Variants in TSEN2 observed in about 807,000 individuals in gnomAD.
TSEN2 encodes tRNA splicing endonuclease subunit 2.
In TSEN2, 54 loss-of-function variants were observed where a neutral mutation model predicts 59.2. The observed-to-expected ratio is 0.91, with a 90% CI of 0.73 to 1.14. The LOEUF is 1.14. Among genes scored for constraint, TSEN2 ranks in the 50% most tolerant of loss-of-function variants. TSEN2 has a pLI of 0.00. For synonymous variants in TSEN2, 195 were observed against 198.2 expected (o/e 0.98, Z 0.14); for missense variants, 636 against 576.2 (o/e 1.10, Z -1.06).
intron 2 of TSEN2, among the ~76,000 whole-genome samples, chr3:12,490,350 C>G (rs2053090197): frequency 6.6e-6 from 1 of 152,178 alleles, no homozygotes; most frequent in Non-Finnish European, 1.5e-5. Flanking sequence ...ATTCCCCACT[C>G]ACTCCCATCC....
At chr3:12,494,037 G>C (rs2053496451) in intron 3 of TSEN2, among the ~76,000 whole-genome samples, 1 of 152,156 alleles carries the variant, frequency 6.6e-6, no homozygotes, top group Admixed American at 6.5e-5. Flanking sequence ...TCATTGTTTT[G>C]CCTGTGGATA....
chr3:12,534,115 TTGG>T (rs1245243821), downstream of TSEN2, among the ~76,000 whole-genome samples: 7 of 152,210 alleles, frequency 4.6e-5, no homozygotes, highest in Admixed American at 3.9e-4. Context: ...AGAGCCCTGT[TTGG>T]TGGTGGTGGT....
rs180803822 is a variant in TSEN2, at chr3:12,539,190, A to T, written c.1290A>T (p.Gln430His). The T allele has an allele frequency of 1.2e-3, 513 of 423,120 alleles. 3 individuals carry two copies. Among genetic ancestry groups the T allele is most frequent in the African/African-American group, 9.9e-3 (466 of 47,260 alleles). 26.2% of individuals were successfully genotyped at this position (423,120 alleles called of 1,614,324 possible). A position where few individuals can be genotyped will look rare whatever the true frequency, so the allele number is the denominator to read the frequency against. Reference sequence around the variant, plus strand: ...GCTCTGTCGTCCAGGCTGGAGTCCAATGCTGCGATCTTGGATCACTGCAAC... The same window carrying T: ...GCTCTGTCGTCCAGGCTGGAGTCCATTGCTGCGATCTTGGATCACTGCAAC... The change falls in exon 11 of 11, where the codon CAA becomes CAT. Residue 430 changes from glutamine (Q) to histidine (H), a missense_variant. Gln to His is a conservative substitution (Grantham distance 24). Transcript: ENST00000412698.
chr3:12,488,384 TG>T (rs1211715630), intron 1 of TSEN2, among the ~76,000 whole-genome samples: 1 of 152,254 alleles, frequency 6.6e-6, no homozygotes, highest in Non-Finnish European at 1.5e-5. Flanking sequence ...GACCTAGTAC[TG>T]GGGGAGCAGC....
In TSEN2 at chr3:12,531,565, A is replaced by T. The variant is rs764954595; in HGVS notation, c.1249-5A>T. 1 of 1,599,854 alleles carries T rather than the reference A, an allele frequency of 6.3e-7. No homozygotes were observed. Among genetic ancestry groups the T allele is most frequent in the African/African-American group, 1.3e-5 (1 of 74,774 alleles). ...ATACAGAAGTGGTTTTTCATTTCTC[A>T]ATAGGAACTTATGCTGTGCTATTTG... On this transcript the variant is annotated splice_region_variant and splice_polypyrimidine_tract_variant and intron_variant, in intron 10 of 11. Transcript: ENST00000284995.
intron 6 of TSEN2, among the ~76,000 whole-genome samples, chr3:12,514,500 A>G (rs1173719821): frequency 1.3e-5 from 2 of 152,184 alleles, no homozygotes; most frequent in African/African-American, 4.8e-5. Context: ...CACAGAAGGC[A>G]GGAAGGAGCC....
chr3:12,492,356 A>C (rs1270730867), intron 3 of TSEN2, 139 bp downstream of exon 3: 1 of 701,356 alleles, frequency 1.4e-6, no homozygotes, highest in Non-Finnish European at 2.5e-6. Flanking sequence ...GTTAGCTAGA[A>C]TAATTCTAAT....
chr3:12,490,118 T>A, intron 2 of TSEN2, 129 bp downstream of exon 2: 2 of 962,982 alleles, frequency 2.1e-6, no homozygotes, highest in Non-Finnish European at 3.3e-6. Context: ...TGCGGTTTGG[T>A]CCAGTTGTAG....
chr3:12,505,855 C>T (rs1439607460), intron 6 of TSEN2, among the ~76,000 whole-genome samples: 1 of 150,886 alleles, frequency 6.6e-6, no homozygotes, highest in Non-Finnish European at 1.5e-5. Context: ...AGTCCAGCCA[C>T]TTGTGTGGCT....
rs2057551475 is a variant in TSEN2 at position 12,532,881 on chromosome 3, G to A, written c.*160G>A. On this transcript the variant is annotated 3_prime_UTR_variant, in exon 12 of 12. Coordinates refer to ENST00000284995, the MANE Select transcript of TSEN2 (RefSeq NM_025265.4). The stretch of plus-strand genomic sequence containing the variant: ...GTGTTTTTAAAGATAAATTACACAA[G>A]GGAGGAGAAAGATCCCTGTGCTAGG... 2 of 730,250 alleles carry A rather than the reference G, an allele frequency of 2.7e-6. No individual in the cohort carries two copies. The highest frequency in any genetic ancestry group is 2.3e-5 in the Admixed American group (1 of 44,046). The allele number at this position is 730,250 out of a possible 1,614,324, so 45.2% of individuals were successfully genotyped here. A position where few individuals can be genotyped will look rare whatever the true frequency, so the allele number is the denominator to read the frequency against.
intron 2 of TSEN2, among the ~76,000 whole-genome samples, chr3:12,491,544 C>T (rs898043309): frequency 2.0e-5 from 3 of 152,128 alleles, no homozygotes; most frequent in African/African-American, 7.2e-5. Context: ...AGAAACTCTG[C>T]CTCTGCCTGC....
intron 8 of TSEN2, among the ~76,000 whole-genome samples, chr3:12,527,400 C>G (rs1398352425): frequency 2.7e-5 from 4 of 149,568 alleles, no homozygotes; most frequent in African/African-American, 9.8e-5. Context: ...AAGGAAAATT[C>G]TATCCATTCC....
chr3:12,500,430 G>A (rs2054179724), intron 4 of TSEN2, among the ~76,000 whole-genome samples: 1 of 151,880 alleles, frequency 6.6e-6, no homozygotes, highest in Non-Finnish European at 1.5e-5. Context: ...GCCTGGTTCT[G>A]GTATGTGACA....
At chr3:12,497,081 G>A (rs975950519) in intron 4 of TSEN2, among the ~76,000 whole-genome samples, 10 of 152,036 alleles carry the variant, frequency 6.6e-5, no homozygotes, top group South Asian at 2.1e-4. Flanking sequence ...CCTTACCACC[G>A]TCCCCTCCTC....
intron 6 of TSEN2, among the ~76,000 whole-genome samples, chr3:12,516,404 G>A (rs577593476): frequency 1.7e-4 from 26 of 151,844 alleles, no homozygotes; most frequent in Admixed American, 1.6e-3. Context: ...CAGCCTGGAC[G>A]ACAGAGTGAG....
intron 8 of TSEN2, among the ~76,000 whole-genome samples, chr3:12,527,154 C>G (rs1319265175): frequency 6.6e-6 from 1 of 152,226 alleles, no homozygotes; most frequent in African/African-American, 2.4e-5. Context: ...TATTTACTTA[C>G]ATTTGTGCCT....
chr3:12,525,106 C>A (rs2056974561), intron 8 of TSEN2, among the ~76,000 whole-genome samples: 2 of 152,050 alleles, frequency 1.3e-5, no homozygotes, highest in Middle Eastern at 3.4e-3. Context: ...TGACTTTTTT[C>A]GAAGTCTTTT....
chr3:12,510,256 C>T (rs369371575), intron 6 of TSEN2, among the ~76,000 whole-genome samples: 7 of 152,324 alleles, frequency 4.6e-5, no homozygotes, highest in African/African-American at 7.2e-5. Context: ...TTGCCACCGT[C>T]ACCAGACTCC....
upstream of TSEN2, among the ~76,000 whole-genome samples, chr3:12,482,740 T>A (rs2052224159): frequency 6.6e-6 from 1 of 152,174 alleles, no homozygotes. Context: ...TGTTTTCTTA[T>A]CAGTTAAATA....
Sources: allele counts gnomAD v4.1 joint callset (sites outside exome capture counted in the v4.1 genomes callset), GRCh38; gene constraint gnomAD v4.1.1; transcripts MANE v1.5; gene names NCBI Gene and HGNC (gene_info 2026-07-23, HGNC 2026-07-21).